PGGT1B: variants seen among roughly 807,000 people sequenced by gnomAD.
The protein encoded by PGGT1B is geranylgeranyl transferase type-1 subunit beta.
A neutral mutation model predicts 46.1 loss-of-function variants in PGGT1B; 30 were observed. The ratio of observed to expected loss-of-function variants is 0.65; its 90% CI spans 0.49 to 0.88. The LOEUF (loss-of-function observed/expected upper bound fraction) is 0.88. PGGT1B is among the 40% of genes least tolerant of loss of function. The probability of loss-of-function intolerance (pLI) is 0.00; values close to 1 mark genes in which losing one functional copy is unlikely to be tolerated. For missense variants in PGGT1B, 376 were observed against 455.9 expected, an observed-to-expected ratio of 0.82 and a Z score of 1.60; for synonymous variants, 170 against 160.0, an observed-to-expected ratio of 1.06 and a Z score of -0.47.
Position 115,208,710 on chromosome 5 carries a change from G to A in PGGT1B, c.*3692C>T, listed in dbSNP as rs1207267620. ...CCTCTATTGTTTTGGTTTTCTACTA[G>A]TAATTCTTTTTTGCTTTTATTAATT... On this transcript the variant is annotated 3_prime_UTR_variant, in exon 9 of 9. Coordinates refer to ENST00000419445, the MANE Select transcript of PGGT1B (RefSeq NM_005023.4). 6.6e-6 allele frequency: 1 copy of A among 151,780 alleles called. No homozygotes were observed. The highest frequency in any genetic ancestry group is 1.9e-4 in the East Asian group (1 of 5,184). 9.4% of individuals were successfully genotyped at this position (151,780 alleles called of 1,614,324 possible). A position where few individuals can be genotyped will look rare whatever the true frequency, so the allele number is the denominator to read the frequency against.
rs1756237716 is a variant in PGGT1B at position 115,211,803 on chromosome 5, G to GA, written c.*598_*599insT. The GA allele has an allele frequency of 6.6e-6, 1 of 152,202 alleles. No homozygotes were observed. The highest frequency in any genetic ancestry group is 6.6e-5 in the Admixed American group (1 of 15,254). The allele number at this position is 152,202 out of a possible 1,614,324, so 9.4% of individuals were successfully genotyped here. On this transcript the variant is annotated 3_prime_UTR_variant, in exon 9 of 9. Coordinates refer to ENST00000419445, the MANE Select transcript of PGGT1B (RefSeq NM_005023.4). ...CTCCTTTTAGAAAACTATCACATTA[G>GA]TTAAACCTATTTATTCTTACTATGA...
chr5:115,218,399 A>T (rs558867634), intron 7 of PGGT1B, among the ~76,000 whole-genome samples: 1 of 97,568 alleles, frequency 1.0e-5, no homozygotes, highest in East Asian at 2.1e-4. Flanking sequence ...GTGTGTGTGT[A>T]TATATATATA....
In PGGT1B at chr5:115,207,993, G is replaced by A. The variant is rs1225187018; in HGVS notation, c.*4409C>T. 2 of 151,904 alleles carry A rather than the reference G, an allele frequency of 1.3e-5. No individual in the cohort carries two copies. Among genetic ancestry groups the A allele is most frequent in the African/African-American group, 2.4e-5 (1 of 41,384 alleles). 9.4% of individuals were successfully genotyped at this position (151,904 alleles called of 1,614,324 possible). A position where few individuals can be genotyped will look rare whatever the true frequency, so the allele number is the denominator to read the frequency against. On this transcript the variant is annotated 3_prime_UTR_variant, in exon 9 of 9. Coordinates refer to ENST00000419445, the MANE Select transcript of PGGT1B (RefSeq NM_005023.4). The stretch of plus-strand genomic sequence containing the variant: ...ATCATGTCTTTTCTGCAAAGATGAA[G>A]ATATTTTTTAACTCTTAATATGAAT...
At chr5:115,252,987 T>C in intron 2 of PGGT1B, 150 bp downstream of exon 2, 1 of 653,998 alleles carries the variant, frequency 1.5e-6, no homozygotes, top group Non-Finnish European at 2.6e-6. Context: ...AGTACTGTAT[T>C]TCAACAGAAT....
Position 115,209,116 on chromosome 5 carries a change from G to T in PGGT1B, c.*3286C>A, listed in dbSNP as rs1756146700. 6.6e-6 allele frequency: 1 copy of T among 151,780 alleles called. No individual in the cohort carries two copies. The highest frequency in any genetic ancestry group is 1.5e-5 in the Non-Finnish European group (1 of 67,920). 9.4% of individuals were successfully genotyped at this position (151,780 alleles called of 1,614,324 possible). On this transcript the variant is annotated 3_prime_UTR_variant, in exon 9 of 9. Coordinates refer to ENST00000419445, the MANE Select transcript of PGGT1B (RefSeq NM_005023.4). ...CTCCCATTTTCACAGTGATTTAAAA[G>T]AATATATATATATATGAAAATACAC...
chr5:115,218,401 A>G (rs893650327), intron 7 of PGGT1B, among the ~76,000 whole-genome samples: 7 of 144,728 alleles, frequency 4.8e-5, no homozygotes, highest in African/African-American at 7.5e-5. Context: ...GTGTGTGTAT[A>G]TATATATATA....
chr5:115,209,340 ATATT>A lies in PGGT1B; in HGVS notation c.*3058_*3061del. 6.6e-6 allele frequency: 1 copy of A among 152,192 alleles called. No individual in the cohort carries two copies. Among genetic ancestry groups the A allele is most frequent in the Admixed American group, 6.6e-5 (1 of 15,244 alleles). The allele number at this position is 152,192 out of a possible 1,614,324, so 9.4% of individuals were successfully genotyped here. ...TCTAATGCAATCAGCAGACCTTATC[ATATT>A]GCTTTAACATTCATCTGCAAATGAG... On this transcript the variant is annotated 3_prime_UTR_variant, in exon 9 of 9. Coordinates refer to ENST00000419445, the MANE Select transcript of PGGT1B (RefSeq NM_005023.4).
intron 3 of PGGT1B, among the ~76,000 whole-genome samples, chr5:115,239,138 A>C (rs1024258666): frequency 2.0e-5 from 3 of 152,018 alleles, no homozygotes; most frequent in African/African-American, 7.2e-5. Context: ...CCAAGGCTCA[A>C]GCAATCCTCC....
At chr5:115,261,697 A>G (rs1748561660) in intron 1 of PGGT1B, among the ~76,000 whole-genome samples, 1 of 152,222 alleles carries the variant, frequency 6.6e-6, no homozygotes, top group South Asian at 2.1e-4. Flanking sequence ...AAATAAACCA[A>G]TACATACGTA....
At chr5:115,236,545 G>A in intron 4 of PGGT1B, 23 bp from the exon 5 acceptor site, 2 of 1,492,486 alleles carry the variant, frequency 1.3e-6, no homozygotes, top group Non-Finnish European at 1.8e-6. Context: ...ACAACAATAT[G>A]ATTTTCTATT....
intron 4 of PGGT1B, among the ~76,000 whole-genome samples, chr5:115,237,016 G>A (rs531233708): frequency 5.9e-5 from 9 of 152,298 alleles, no homozygotes; most frequent in Middle Eastern, 3.4e-3. Flanking sequence ...TAGAGAGGCA[G>A]CAATCTATGT....
At chr5:115,256,128 C>T (rs1748301035) in intron 1 of PGGT1B, among the ~76,000 whole-genome samples, 1 of 152,066 alleles carries the variant, frequency 6.6e-6, no homozygotes. Context: ...GAACACTGAC[C>T]CTAACATAAT....
At chr5:115,234,449 T>C (rs530712728) in intron 5 of PGGT1B, among the ~76,000 whole-genome samples, 2 of 152,030 alleles carry the variant, frequency 1.3e-5, no homozygotes, top group East Asian at 3.9e-4. Flanking sequence ...TTTTGTATAG[T>C]TCTGACCTTA....
intron 1 of PGGT1B, among the ~76,000 whole-genome samples, chr5:115,254,869 A>T (rs533087619): frequency 6.6e-6 from 1 of 152,226 alleles, no homozygotes; most frequent in Non-Finnish European, 1.5e-5. Context: ...ACACACTGAG[A>T]TCTATTTGAA....
chr5:115,210,437 A>G lies in PGGT1B; in HGVS notation c.*1965T>C, dbSNP rs142099523. 1 of 152,254 alleles carries G rather than the reference A, an allele frequency of 6.6e-6. No homozygotes were observed. The highest frequency in any genetic ancestry group is 1.9e-4 in the East Asian group (1 of 5,190). The allele number at this position is 152,254 out of a possible 1,614,324, so 9.4% of individuals were successfully genotyped here. A position where few individuals can be genotyped will look rare whatever the true frequency, so the allele number is the denominator to read the frequency against. On this transcript the variant is annotated 3_prime_UTR_variant, in exon 9 of 9. Coordinates refer to ENST00000419445, the MANE Select transcript of PGGT1B (RefSeq NM_005023.4). ...ACACTGGGCTGCTATTTTCTGGTCA[A>G]TTCAGTTGCTGTGGAATGTGAACAT...
Position 115,204,048 on chromosome 5 carries a change from A to G in PGGT1B, c.*8354T>C, listed in dbSNP as rs1755987024. On this transcript the variant is annotated 3_prime_UTR_variant, in exon 9 of 9. Transcript: ENST00000419445. ...TATCTGAGTATTTATTATGTTTTCG[A>G]TCCAGCTACCACACACTAAAATCAT... is the stretch of plus-strand genomic sequence containing the variant. 4 of 152,154 alleles carry G rather than the reference A, an allele frequency of 2.6e-5. No individual in the cohort carries two copies. The allele number at this position is 152,154 out of a possible 1,614,324, so 9.4% of individuals were successfully genotyped here. A position where few individuals can be genotyped will look rare whatever the true frequency, so the allele number is the denominator to read the frequency against.
intron 8 of PGGT1B, 37 bp from the exon 9 acceptor site, chr5:115,212,620 TCTTA>T: frequency 7.2e-7 from 1 of 1,395,170 alleles, no homozygotes; most frequent in Non-Finnish European, 9.9e-7. Flanking sequence ...TAATAGGCAT[TCTTA>T]CTTGTACATT....
chr5:115,210,249 C>CA lies in PGGT1B; in HGVS notation c.*2152dup, dbSNP rs1756183580. 6.6e-6 allele frequency: 1 copy of CA among 152,004 alleles called. No homozygotes were observed. The allele number at this position is 152,004 out of a possible 1,614,324, so 9.4% of individuals were successfully genotyped here. ...AAGGAGACAAGTATAGAGTAGGTAA[C>CA]AGAGCTTTTTGAGATTTCGGACTTC... is the stretch of plus-strand genomic sequence containing the variant. On this transcript the variant is annotated 3_prime_UTR_variant, in exon 9 of 9. Coordinates refer to ENST00000419445, the MANE Select transcript of PGGT1B (RefSeq NM_005023.4).
chr5:115,257,254 T>G (rs1748359872), intron 1 of PGGT1B, among the ~76,000 whole-genome samples: 2 of 152,162 alleles, frequency 1.3e-5, no homozygotes, highest in Admixed American at 1.3e-4. Flanking sequence ...GGCTCACTCC[T>G]GCAATCCCAG....
Sources: gnomAD v4.1 joint callset for allele counts (sites outside exome capture counted in the v4.1 genomes callset) on GRCh38, gnomAD v4.1.1 for gene constraint, MANE v1.5 for transcripts, NCBI Gene and HGNC (gene_info 2026-07-23, HGNC 2026-07-21) for gene names.